CSMD3: variants seen among roughly 807,000 people sequenced by gnomAD.
CSMD3 encodes the protein CUB and sushi domain-containing protein 3.
CSMD3 carries 177 observed loss-of-function variants against 435.2 expected under a neutral mutation model. The ratio of observed to expected loss-of-function variants is 0.41; its 90% CI spans 0.36 to 0.46. The LOEUF is 0.46. Ranked by LOEUF, CSMD3 falls within the 20% of genes least tolerant of loss-of-function variation. The pLI, the probability that CSMD3 is intolerant of heterozygous loss-of-function variation, is 0.34. For synonymous variants in CSMD3, 1,656 were observed against 1,520.5 expected (o/e 1.09, Z -2.07); for missense variants, 4,265 against 4,504.6 (o/e 0.95, Z 1.52).
intron 3 of CSMD3, among the ~76,000 whole-genome samples, chr8:113,194,296 C>A (rs1377026685): frequency 1.3e-5 from 2 of 150,996 alleles, no homozygotes; most frequent in Non-Finnish European, 3.0e-5. Context: ...GTCAGTAATA[C>A]CATGTATTTC....
At chr8:112,644,279 C>T (rs2074917386) in intron 20 of CSMD3, among the ~76,000 whole-genome samples, 1 of 151,770 alleles carries the variant, frequency 6.6e-6, no homozygotes, top group African/African-American at 2.4e-5. Context: ...TTATACACTT[C>T]TAATTATAAG....
intron 22 of CSMD3, among the ~76,000 whole-genome samples, chr8:112,613,819 A>G (rs1386530394): frequency 6.6e-6 from 1 of 152,106 alleles, no homozygotes; most frequent in African/African-American, 2.4e-5. Context: ...CAATAACCAA[A>G]TATAGAAAAA....
intron 22 of CSMD3, among the ~76,000 whole-genome samples, chr8:112,631,022 T>G (rs2074500176): frequency 6.6e-6 from 1 of 151,426 alleles, no homozygotes; most frequent in African/African-American, 2.4e-5. Flanking sequence ...GAGAAATATT[T>G]CCTCTTAATA....
chr8:112,326,699 G>A (rs1320276816), intron 45 of CSMD3, among the ~76,000 whole-genome samples: 1 of 152,086 alleles, frequency 6.6e-6, no homozygotes, highest in Non-Finnish European at 1.5e-5. Flanking sequence ...CTAACCATTT[G>A]TTTGTTTCTT....
intron 9 of CSMD3, among the ~76,000 whole-genome samples, chr8:112,929,377 T>G (rs1343261629): frequency 1.6e-5 from 2 of 123,950 alleles, no homozygotes; most frequent in East Asian, 5.2e-4. Flanking sequence ...TAAAGCATAA[T>G]AAAAAAAAAA....
chr8:113,371,058 A>G (rs540504798), intron 1 of CSMD3, among the ~76,000 whole-genome samples: 4 of 152,148 alleles, frequency 2.6e-5, no homozygotes, highest in African/African-American at 7.2e-5. Flanking sequence ...TATACTCTCT[A>G]CTTTTGCATA....
intron 38 of CSMD3, among the ~76,000 whole-genome samples, chr8:112,373,053 G>A (rs1381279370): frequency 2.0e-5 from 3 of 146,932 alleles, no homozygotes; most frequent in African/African-American, 7.5e-5. Context: ...AAAATCAGAT[G>A]GCGAAAACAC....
chr8:112,340,839 G>T (rs1166961923), intron 42 of CSMD3, among the ~76,000 whole-genome samples: 2 of 151,992 alleles, frequency 1.3e-5, no homozygotes, highest in African/African-American at 2.4e-5. Context: ...ACTCCATTAT[G>T]CACATGAGCA....
intron 19 of CSMD3, among the ~76,000 whole-genome samples, chr8:112,648,207 G>A (rs13260951): frequency 0.77 from 116,474 of 152,084 alleles, 45,217 homozygotes; most frequent in African/African-American, 0.89. Context: ...AAAAGTTTCT[G>A]TTAAAGGAAA....
intron 11 of CSMD3, among the ~76,000 whole-genome samples, chr8:112,850,786 T>C (rs1641795983): frequency 6.6e-6 from 1 of 152,170 alleles, no homozygotes. Flanking sequence ...TTTGCCTATT[T>C]CTATAGTGTA....
intron 63 of CSMD3, among the ~76,000 whole-genome samples, chr8:112,247,907 G>T (rs1232537851): frequency 1.3e-5 from 2 of 152,060 alleles, no homozygotes; most frequent in Non-Finnish European, 2.9e-5. Flanking sequence ...AACATGATGA[G>T]AAATGTATGT....
intron 22 of CSMD3, among the ~76,000 whole-genome samples, chr8:112,610,853 T>G (rs1272247944): frequency 1.3e-5 from 2 of 152,140 alleles, no homozygotes; most frequent in Admixed American, 6.6e-5. Flanking sequence ...CCTGCAATGA[T>G]GGCCTTCTCT....
At chr8:112,274,316 C>T (rs1453383368) in intron 59 of CSMD3, among the ~76,000 whole-genome samples, 1 of 151,998 alleles carries the variant, frequency 6.6e-6, no homozygotes. Context: ...TAGTTGAATC[C>T]CCTGATTGCC....
intron 22 of CSMD3, among the ~76,000 whole-genome samples, chr8:112,594,161 G>A (rs373973127): frequency 3.9e-5 from 6 of 152,244 alleles, no homozygotes; most frequent in East Asian, 3.9e-4. Context: ...GTGGGTGCAC[G>A]CACCGTGTGC....
At chr8:113,263,440 G>C (rs1393676745) in intron 3 of CSMD3, among the ~76,000 whole-genome samples, 1 of 151,872 alleles carries the variant, frequency 6.6e-6, no homozygotes, top group African/African-American at 2.4e-5. Flanking sequence ...CCTGACAAAA[G>C]AAAACATCAT....
rs2088553813 is a variant in CSMD3 at position 113,060,250 on chromosome 8, T to G, written c.917+38506A>C. ...ATGAGTGAGAATATGCGGTGTTTGG[T>G]TTTTTGTTCTTGCGATAGTTTACTG... On this transcript the variant is annotated intron_variant, in intron 5 of 70. Coordinates refer to ENST00000297405, the MANE Select transcript of CSMD3 (RefSeq NM_198123.2). 2.1e-5 allele frequency among the ~76,000 whole-genome samples: 3 copies of G among 141,590 alleles called. No individual in the cohort carries two copies. In the East Asian group the frequency reaches 6.3e-4, roughly 30 times the overall value. 92.9% of individuals were successfully genotyped at this position (141,590 alleles called of 152,430 possible).
At chr8:112,498,428 A>C (rs1316172995) in intron 30 of CSMD3, among the ~76,000 whole-genome samples, 1 of 152,118 alleles carries the variant, frequency 6.6e-6, no homozygotes, top group Non-Finnish European at 1.5e-5. Context: ...ATAGGGAGGG[A>C]CATATATTCA....
intron 2 of CSMD3, among the ~76,000 whole-genome samples, chr8:113,302,777 A>G (rs895753529): frequency 1.4e-5 from 2 of 143,568 alleles, no homozygotes; most frequent in African/African-American, 2.6e-5. Context: ...AATAAGAGCT[A>G]TCTATGACAA....
intron 5 of CSMD3, among the ~76,000 whole-genome samples, chr8:113,072,576 AT>A (rs1324365237): frequency 2.6e-5 from 4 of 151,808 alleles, no homozygotes; most frequent in African/African-American, 9.7e-5. Context: ...TCCAACAGTT[AT>A]TCTCAGTCTC....
Sources: gnomAD v4.1 joint callset for allele counts (sites outside exome capture counted in the v4.1 genomes callset) on GRCh38, gnomAD v4.1.1 for gene constraint, MANE v1.5 for transcripts, NCBI Gene and HGNC (gene_info 2026-07-23, HGNC 2026-07-21) for gene names.